USO1: variants seen among roughly 807,000 people sequenced by gnomAD.
USO1 encodes the protein general vesicular transport factor p115.
A neutral mutation model predicts 124.5 loss-of-function variants in USO1; 57 were observed. The observed-to-expected ratio is 0.46, with a 90% CI of 0.37 to 0.57. The LOEUF (loss-of-function observed/expected upper bound fraction) is 0.57. Among genes scored for constraint, USO1 ranks in the 20% least tolerant of loss-of-function variants. The pLI is 0.00. For missense variants in USO1, 900 were observed against 1,040.6 expected, an observed-to-expected ratio of 0.86 and a Z score of 1.86; for synonymous variants, 369 against 362.8, an observed-to-expected ratio of 1.02 and a Z score of -0.19.
intron 4 of USO1, among the ~76,000 whole-genome samples, chr4:75,765,937 A>G (rs1331369605): frequency 6.6e-6 from 1 of 152,152 alleles, no homozygotes. Flanking sequence ...TAGTAACATG[A>G]TAGCTTTCAA....
In USO1 at chr4:75,800,766, C is replaced by T. The variant is rs1440541230; in HGVS notation, c.1831C>T (p.His611Tyr). Residue 611 changes from histidine (H) to tyrosine (Y), a missense_variant, in exon 16 of 24, where the codon CAT becomes TAT. His to Tyr is a moderately conservative substitution (Grantham distance 83, BLOSUM62 2). This residue lies in a region of USO1 where 538 missense variants were observed against 681.6 expected (regional missense o/e 0.79). Transcript: ENST00000514213. The stretch of plus-strand genomic sequence containing the variant: ...CAGTCCAGAATACATGATATTTGAT[C>T]ATGAGTTTACGAAGCTGGTAAAAGA... ...FPSPEYMIFD[H>Y]EFTKLVKELE... The T allele has an allele frequency of 6.2e-7, 1 of 1,613,328 alleles. No individual in the cohort carries two copies. The highest frequency in any genetic ancestry group is 1.7e-4 in the Middle Eastern group (1 of 6,052).
intron 8 of USO1, 86 bp from the exon 9 acceptor site, chr4:75,782,594 T>C: frequency 6.9e-7 from 1 of 1,454,300 alleles, no homozygotes; most frequent in Non-Finnish European, 9.0e-7. Flanking sequence ...ATGCTGAGCA[T>C]GGAGATTTAT....
chr4:75,802,736 C>CTTTTTTTTTTTTTTTTTTTTTTTT (rs997798305), intron 17 of USO1, among the ~76,000 whole-genome samples: 3 of 63,736 alleles, frequency 4.7e-5, no homozygotes, highest in African/African-American at 2.0e-4. Flanking sequence ...TTTTTCTTTT[C>CTTTTTTTTTTTTTTTTTTTTTTTT]TTTTTTTTTT....
chr4:75,749,601 GT>G (rs1721240047), intron 1 of USO1, among the ~76,000 whole-genome samples: 1 of 150,944 alleles, frequency 6.6e-6, no homozygotes, highest in Non-Finnish European at 1.5e-5. Context: ...GTCTCACTAT[GT>G]TGCCCAGGCT....
chr4:75,759,251 T>TTTTTTTTTTTTTTTTTTTTG (rs1721529561), intron 4 of USO1, among the ~76,000 whole-genome samples: 1 of 139,602 alleles, frequency 7.2e-6, no homozygotes, highest in Non-Finnish European at 1.5e-5. Flanking sequence ...AGGACCTTTT[T>TTTTTTTTTTTTTTTTTTTTG]TTTTTTTTTT....
chr4:75,752,076 A>C (rs1379208294), intron 1 of USO1, among the ~76,000 whole-genome samples: 1 of 152,218 alleles, frequency 6.6e-6, no homozygotes, highest in African/African-American at 2.4e-5. Context: ...TCAAACAGTC[A>C]TAATAGGCCT....
rs543007498 is a variant in USO1 at position 75,772,529 on chromosome 4, G to A, written c.555+1392G>A. Reference sequence around the variant, plus strand: ...TGGGATTACAGGCGTGAGCCACCGCGCCCGGCCGAGAAGTACATTTTTTAT... The same window carrying A: ...TGGGATTACAGGCGTGAGCCACCGCACCCGGCCGAGAAGTACATTTTTTAT... On this transcript the variant is annotated intron_variant, in intron 7 of 23. Coordinates refer to ENST00000514213, the MANE Select transcript of USO1 (RefSeq NM_003715.4). 9.9e-5 allele frequency among the ~76,000 whole-genome samples: 15 copies of A among 152,040 alleles called. No homozygotes were observed. The East Asian group carries it at 1.6e-3, about 16-fold the overall frequency.
chr4:75,768,633 C>T (rs1721836667), intron 4 of USO1, among the ~76,000 whole-genome samples: 3 of 152,080 alleles, frequency 2.0e-5, no homozygotes, highest in African/African-American at 7.2e-5. Flanking sequence ...TTTTTCCTGC[C>T]TTATGGCACT....
intron 13 of USO1, chr4:75,795,342 AAG>A: frequency 1.4e-6 from 1 of 702,454 alleles, no homozygotes; most frequent in Non-Finnish European, 2.6e-6. Context: ...GCAGGGTGAT[AAG>A]ATCGACAGAC....
chr4:75,736,549 C>T (rs1577925032), intron 1 of USO1, among the ~76,000 whole-genome samples: 1 of 152,078 alleles, frequency 6.6e-6, no homozygotes, highest in South Asian at 2.1e-4. Context: ...GTGATCCACC[C>T]ACCTTGGCCT....
intron 18 of USO1, 135 bp from the exon 19 acceptor site, chr4:75,805,005 G>A: frequency 1.6e-6 from 2 of 1,215,514 alleles, no homozygotes; most frequent in Non-Finnish European, 1.1e-6. Flanking sequence ...ATACCATTCT[G>A]CAAAGATGAA....
At chr4:75,750,654 T>C (rs1355124654) in intron 1 of USO1, among the ~76,000 whole-genome samples, 1 of 151,806 alleles carries the variant, frequency 6.6e-6, no homozygotes, top group Non-Finnish European at 1.5e-5. Context: ...CCAGCTAATT[T>C]TTGTATTTTT....
At chr4:75,727,282 A>G (rs1720491632) in intron 1 of USO1, among the ~76,000 whole-genome samples, 1 of 152,230 alleles carries the variant, frequency 6.6e-6, no homozygotes, top group Non-Finnish European at 1.5e-5. Flanking sequence ...TGTGGATGGA[A>G]CAACATAGTT....
intron 15 of USO1, 49 bp from the exon 16 acceptor site, chr4:75,800,569 G>C: frequency 1.4e-6 from 2 of 1,429,454 alleles, no homozygotes; most frequent in Non-Finnish European, 1.8e-6. Flanking sequence ...TTTATGTTTT[G>C]TTTTGATTTT....
rs553073944 is a variant in USO1, at chr4:75,814,169, G to A, written c.*874G>A. On this transcript the variant is annotated 3_prime_UTR_variant, in exon 24 of 24. Transcript: ENST00000514213. ...TTTAAAAAAGCAAATGAGGCAATGT[G>A]TCAAAATTTAATGTTTCATAATAAA... is the stretch of plus-strand genomic sequence containing the variant. 6.6e-6 allele frequency: 1 copy of A among 152,290 alleles called. No individual in the cohort carries two copies. Among genetic ancestry groups the A allele is most frequent in the Non-Finnish European group, 1.5e-5 (1 of 68,020 alleles). The allele number at this position is 152,290 out of a possible 1,614,324, so 9.4% of individuals were successfully genotyped here.
rs200267982 is a variant in USO1 at position 75,774,677 on chromosome 4, G to T, written c.557G>T (p.Gly186Val). ...ADSREVIRND[G>V]VLLLQALTRS... ...AAACATTCTCTTTCTTCTCTATAGG[G>T]CGTCTTACTACTGCAGGCACTAACA... The change falls in exon 8 of 24, where the codon GGC (glycine) becomes GTC (valine). Residue 186 changes from glycine to valine, a missense_variant and splice_region_variant. This residue lies in a region of USO1 where 538 missense variants were observed against 681.6 expected (regional missense o/e 0.79). Transcript: ENST00000514213. The T allele has an allele frequency of 1.9e-6, 3 of 1,610,744 alleles. No homozygotes were observed. In the African/African-American group the frequency reaches 4.0e-5, roughly 22 times the overall value.
rs1257112574 is a variant in USO1 at position 75,785,109 on chromosome 4, G to T, written c.856-1953G>T. On this transcript the variant is annotated intron_variant, in intron 9 of 23. Transcript: ENST00000514213. ...GTTAGAACCTGTTGGAATACTTTAT[G>T]TATAACTTTATTTAGAGTTGCTTGG... is the stretch of plus-strand genomic sequence containing the variant. 3.9e-5 allele frequency among the ~76,000 whole-genome samples: 6 copies of T among 152,254 alleles called. No individual in the cohort carries two copies. The East Asian group carries it at 1.2e-3, about 29-fold the overall frequency.
rs149778157 is a variant in USO1, at chr4:75,745,843, T to C, written c.67-6530T>C. Among the ~76,000 whole-genome samples, 900 of 152,052 alleles carry C rather than the reference T, an allele frequency of 5.9e-3. 14 individuals carry two copies. The highest frequency in any genetic ancestry group is 0.021 in the African/African-American group (853 of 41,464). On this transcript the variant is annotated intron_variant, in intron 1 of 23. Coordinates refer to ENST00000514213, the MANE Select transcript of USO1 (RefSeq NM_003715.4). ...TGAATCCAGGAGGCAGAGGTTGCAG[T>C]GAGCTGAAATTGTACCACTGCACTC... is the stretch of plus-strand genomic sequence containing the variant.
intron 7 of USO1, among the ~76,000 whole-genome samples, chr4:75,772,241 G>A (rs938539721): frequency 1.3e-5 from 2 of 151,916 alleles, no homozygotes; most frequent in Non-Finnish European, 2.9e-5. Flanking sequence ...CTTACAAGAA[G>A]GACATTTTTT....
Sources: gnomAD v4.1 joint callset for allele counts (sites outside exome capture counted in the v4.1 genomes callset) on GRCh38, gnomAD v4.1.1 for gene constraint, gnomAD v4.1.1 regional missense constraint, MANE v1.5 for transcripts, NCBI Gene and HGNC (gene_info 2026-07-23, HGNC 2026-07-21) for gene names.